Variants in LPP observed in about 807,000 individuals in gnomAD.
The protein encoded by LPP is LIM domain containing preferred translocation partner in lipoma.
In LPP, 38 loss-of-function variants were observed where a neutral mutation model predicts 60.4. The ratio of observed to expected loss-of-function variants is 0.63; its 90% confidence interval spans 0.49 to 0.83. The LOEUF (loss-of-function observed/expected upper bound fraction) is 0.83, where lower values mean the gene tolerates loss of function less well. LPP is among the 40% of genes least tolerant of loss of function. The probability of loss-of-function intolerance (pLI) is 0.00; values close to 1 mark genes in which losing one functional copy is unlikely to be tolerated. For missense variants in LPP, 902 were observed against 783.6 expected, an observed-to-expected ratio of 1.15 and a Z score of -1.80; for synonymous variants, 328 against 290.8, an observed-to-expected ratio of 1.13 and a Z score of -1.30.
chr3:188,201,686 G>A (rs1412498030), intron 1 of LPP, among the ~76,000 whole-genome samples: 2 of 152,128 alleles, frequency 1.3e-5, no homozygotes, highest in African/African-American at 4.8e-5. Flanking sequence ...CAGCCTGGGT[G>A]ACAGAGTGAG....
intron 4 of LPP, among the ~76,000 whole-genome samples, chr3:188,473,207 A>T (rs1802295499): frequency 6.6e-6 from 1 of 152,130 alleles, no homozygotes; most frequent in Non-Finnish European, 1.5e-5. Flanking sequence ...TTTAGTCATC[A>T]CCCAGTTTTC....
At chr3:188,452,003 C>T (rs1796700160) in intron 4 of LPP, among the ~76,000 whole-genome samples, 1 of 152,170 alleles carries the variant, frequency 6.6e-6, no homozygotes, top group Non-Finnish European at 1.5e-5. Flanking sequence ...CCCTATTGTA[C>T]ACTCATCTCC....
At chr3:188,814,899 T>C (rs930143599) in intron 9 of LPP, among the ~76,000 whole-genome samples, 1 of 152,186 alleles carries the variant, frequency 6.6e-6, no homozygotes, top group African/African-American at 2.4e-5. Flanking sequence ...GCTGTGGAGA[T>C]CTGGACAAGT....
At chr3:188,805,164 G>C (rs1466407468) in intron 9 of LPP, among the ~76,000 whole-genome samples, 1 of 151,888 alleles carries the variant, frequency 6.6e-6, no homozygotes, top group Admixed American at 6.6e-5. Context: ...TTCTTTTTTG[G>C]TAATATATTT....
chr3:188,499,362 A>G (rs1008914658), intron 5 of LPP, among the ~76,000 whole-genome samples: 13 of 152,330 alleles, frequency 8.5e-5, no homozygotes, highest in Non-Finnish European at 1.6e-4. Context: ...AAATTTTCCC[A>G]GCACCATTTG....
chr3:188,253,895 C>T (rs895121417), intron 2 of LPP, among the ~76,000 whole-genome samples: 3 of 152,132 alleles, frequency 2.0e-5, no homozygotes, highest in Non-Finnish European at 2.9e-5. Context: ...TCTGGTTCCT[C>T]GCCGCATGGT....
rs1843227479 is a variant in LPP, at chr3:188,609,572, C to G, written c.841C>G (p.Leu281Val). Residue 281 changes from leucine (L) to valine (V), a missense_variant, in exon 7 of 12, where the codon CTT (leucine) becomes GTT (valine). By Grantham distance (32) the Leu-to-Val change is conservative. Transcript: ENST00000617246. The surrounding 1 kb of genome is among the most constrained non-coding windows in gnomAD (Gnocchi z 6.9). ...TTATGCCTACATTCCACCACCAGGACTTCAGCCGGAGCCTGGGTATGGGTA... is the reference window on the plus strand; with the variant it reads ...TTATGCCTACATTCCACCACCAGGAGTTCAGCCGGAGCCTGGGTATGGGTA... ...MDYAYIPPPG[L>V]QPEPGYGYAP... The G allele has an allele frequency of 9.3e-6, 15 of 1,614,204 alleles. No homozygotes were observed. The highest frequency in any genetic ancestry group is 1.1e-5 in the Non-Finnish European group (13 of 1,180,048).
intron 3 of LPP, among the ~76,000 whole-genome samples, chr3:188,376,228 G>C (rs535640347): frequency 6.6e-6 from 1 of 151,652 alleles, no homozygotes; most frequent in Admixed American, 6.6e-5. Flanking sequence ...GGTCTGCTTG[G>C]TGCAGAGCTG....
intron 9 of LPP, among the ~76,000 whole-genome samples, chr3:188,838,239 A>T (rs1254814953): frequency 6.6e-6 from 1 of 152,100 alleles, no homozygotes. Context: ...TTACTTTATT[A>T]CTGTTTTTCA....
chr3:188,376,142 G>T (rs1348380583), intron 3 of LPP, among the ~76,000 whole-genome samples: 1 of 152,154 alleles, frequency 6.6e-6, no homozygotes, highest in Non-Finnish European at 1.5e-5. Context: ...GTCAATGTTG[G>T]AGTAGGTGTG....
In LPP at chr3:188,882,118, C is replaced by T. The variant is rs186322273; in HGVS notation, c.*7639C>T. ...GGCCAACTGTAATAAGATCCAACCA[C>T]TTAAATCTGTACTTACTCAATAGGA... On this transcript the variant is annotated 3_prime_UTR_variant, in exon 12 of 12. Coordinates refer to ENST00000617246, the MANE Select transcript of LPP (RefSeq NM_001375462.1). 4.6e-4 allele frequency: 98 copies of T among 211,244 alleles called. 1 individual carries two copies. The highest frequency in any genetic ancestry group is 2.2e-3 in the African/African-American group (96 of 44,338). 13.1% of individuals were successfully genotyped at this position (211,244 alleles called of 1,614,324 possible).
At chr3:188,455,074 G>A (rs989053699) in intron 4 of LPP, among the ~76,000 whole-genome samples, 11 of 152,156 alleles carry the variant, frequency 7.2e-5, no homozygotes, top group African/African-American at 2.7e-4. Context: ...TGCAAGATCT[G>A]AGCTAGAATA....
chr3:188,313,080 A>G (rs142383997), intron 2 of LPP, among the ~76,000 whole-genome samples: 56 of 152,140 alleles, frequency 3.7e-4, no homozygotes, highest in African/African-American at 1.3e-3. Context: ...ACATGTATAC[A>G]TATGTAACAA....
intron 9 of LPP, among the ~76,000 whole-genome samples, chr3:188,800,032 TC>T (rs1164237747): frequency 1.3e-5 from 2 of 152,114 alleles, no homozygotes; most frequent in Non-Finnish European, 2.9e-5. Flanking sequence ...TTCTTTGTTT[TC>T]CCTAAGAATG....
chr3:188,698,913 G>T (rs761289991), intron 7 of LPP, among the ~76,000 whole-genome samples: 1 of 152,138 alleles, frequency 6.6e-6, no homozygotes, highest in Non-Finnish European at 1.5e-5. Flanking sequence ...TGTGAAATTC[G>T]GGTACACTAC....
intron 5 of LPP, among the ~76,000 whole-genome samples, chr3:188,502,041 A>G (rs777424043): frequency 5.3e-5 from 8 of 152,196 alleles, no homozygotes; most frequent in Non-Finnish European, 7.3e-5. Context: ...TATGACATCT[A>G]CTTTTTCAAA....
At chr3:188,866,764 A>T (rs756674300) in intron 10 of LPP, among the ~76,000 whole-genome samples, 1 of 151,986 alleles carries the variant, frequency 6.6e-6, no homozygotes, top group Non-Finnish European at 1.5e-5. Context: ...CTTTAGATCA[A>T]ACCCTCTCTA....
chr3:188,257,725 C>G (rs983529654), intron 2 of LPP, among the ~76,000 whole-genome samples: 13 of 152,282 alleles, frequency 8.5e-5, no homozygotes, highest in African/African-American at 2.9e-4. Flanking sequence ...CACTGGGCAC[C>G]CAGTCTGTGT....
intron 4 of LPP, among the ~76,000 whole-genome samples, chr3:188,481,873 G>A (rs1804873854): frequency 6.6e-6 from 1 of 152,140 alleles, no homozygotes; most frequent in Non-Finnish European, 1.5e-5. Flanking sequence ...AGTATAAGAG[G>A]GGACCCAGGA....
Sources: gnomAD v4.1 joint callset for allele counts (sites outside exome capture counted in the v4.1 genomes callset) on GRCh38, gnomAD v4.1.1 for gene constraint, Gnocchi (gnomAD v3.1) non-coding constraint, MANE v1.5 for transcripts, NCBI Gene and HGNC (gene_info 2026-07-23, HGNC 2026-07-21) for gene names.